The following EWSR1 variants were observed in gnomAD, a reference collection of about 807,000 sequenced individuals.
The protein encoded by EWSR1 is RNA-binding protein EWS.
EWSR1 carries 14 observed loss-of-function variants against 92.1 expected under a neutral mutation model. The observed-to-expected ratio is 0.15, with a 90% CI of 0.10 to 0.24. The LOEUF is 0.24. Among genes scored for constraint, EWSR1 ranks in the 10% least tolerant of loss-of-function variants. The pLI, the probability that EWSR1 is intolerant of heterozygous loss-of-function variation, is 1.00. For synonymous variants in EWSR1, 303 were observed against 292.9 expected, an observed-to-expected ratio of 1.03 and a Z score of -0.35; for missense variants, 637 against 870.9, an observed-to-expected ratio of 0.73 and a Z score of 3.38.
intron 8 of EWSR1, chr22:29,290,389 C>A: frequency 1.9e-6 from 3 of 1,591,622 alleles, no homozygotes; most frequent in Non-Finnish European, 2.6e-6. Context: ...TTTTAACATG[C>A]TTTGTCGCAT....
chr22:29,282,774 T>C (rs1361831306), intron 6 of EWSR1, among the ~76,000 whole-genome samples: 7 of 151,278 alleles, frequency 4.6e-5, no homozygotes, highest in African/African-American at 7.3e-5. Flanking sequence ...TTTTTTTTTT[T>C]TCCCCCGAGA....
intron 5 of EWSR1, among the ~76,000 whole-genome samples, 156 bp downstream of exon 5, chr22:29,278,372 C>T (rs2059283507): frequency 6.6e-6 from 1 of 152,244 alleles, no homozygotes; most frequent in Non-Finnish European, 1.5e-5. Flanking sequence ...CTAGAACATA[C>T]CACAGAAATA....
chr22:29,280,714 T>C (rs1365548486), intron 5 of EWSR1, among the ~76,000 whole-genome samples: 1 of 150,768 alleles, frequency 6.6e-6, no homozygotes, highest in Non-Finnish European at 1.5e-5. Context: ...GCTCTTGTTG[T>C]CCAGGCTAGA....
At chr22:29,271,277 A>T (rs1003139710) in intron 1 of EWSR1, among the ~76,000 whole-genome samples, 3 of 151,512 alleles carry the variant, frequency 2.0e-5, no homozygotes, top group Non-Finnish European at 2.9e-5. Context: ...AACTGCCTTT[A>T]AAAAAAAACT....
At chr22:29,280,408 C>T (rs1369957017) in intron 5 of EWSR1, among the ~76,000 whole-genome samples, 2 of 152,282 alleles carry the variant, frequency 1.3e-5, no homozygotes, top group African/African-American at 2.4e-5. Context: ...ATATTAATAG[C>T]TCTAACTCAG....
At chr22:29,269,142 C>T (rs1027790111) in intron 1 of EWSR1, 1 of 152,222 alleles carries the variant, frequency 6.6e-6, no homozygotes, top group Non-Finnish European at 1.5e-5. Context: ...TAAGGCCAGC[C>T]TGGGTCGAGA....
At position 29,299,327 on chromosome 22, in the gene EWSR1, C is replaced by A; in HGVS notation, c.1674C>A (p.Pro558=). 6.2e-7 allele frequency: 1 copy of A among 1,613,464 alleles called. No homozygotes were observed. The highest frequency in any genetic ancestry group is 1.1e-5 in the South Asian group (1 of 91,062). The change falls in exon 15 of 17, where the codon CCC becomes CCA. Residue 558 remains proline (P), a synonymous_variant. Coordinates refer to ENST00000397938, the MANE Select transcript of EWSR1 (RefSeq NM_005243.4). The part of the protein sequence containing the change: ...PEGFLPPPFP[P]PGGDRGRGGP... ...GCTTCCTCCCGCCACCCTTTCCGCC[C>A]CCGGGTAGGTGCAGGTTTCATGAGT...
At chr22:29,290,034 A>C (rs779313205) in intron 8 of EWSR1, 4 of 236,896 alleles carry the variant, frequency 1.7e-5, no homozygotes, top group Admixed American at 5.6e-5. Flanking sequence ...AGTATTTTTA[A>C]ATTGCAAATA....
At chr22:29,285,042 C>T (rs2059915050) in intron 6 of EWSR1, among the ~76,000 whole-genome samples, 1 of 150,964 alleles carries the variant, frequency 6.6e-6, no homozygotes, top group African/African-American at 2.5e-5. Flanking sequence ...TAGTCTCGAA[C>T]CCCTGACCTC....
chr22:29,299,887 GCACAGTAAGAGGACAGC>G, intron 16 of EWSR1, 36 bp downstream of exon 16: 2 of 1,532,086 alleles, frequency 1.3e-6, no homozygotes, highest in Non-Finnish European at 1.8e-6. Flanking sequence ...GGGCCGCCAG[GCACAGTAAGAGGACAGC>G]CCTTCCCAGC....
At chr22:29,281,844 C>T (rs545152891) in intron 5 of EWSR1, among the ~76,000 whole-genome samples, 1 of 152,290 alleles carries the variant, frequency 6.6e-6, no homozygotes, top group South Asian at 2.1e-4. Context: ...CTCGGCCTCC[C>T]AAAGTGCTGG....
At chr22:29,298,058 A>G (rs2061006170) in intron 13 of EWSR1, 109 bp downstream of exon 13, 3 of 1,212,580 alleles carry the variant, frequency 2.5e-6, no homozygotes, top group South Asian at 1.5e-5. Flanking sequence ...TGTAGAGTCA[A>G]TACTAGACTA....
At chr22:29,295,852 G>A (rs1057451366) in intron 11 of EWSR1, 7 of 251,158 alleles carry the variant, frequency 2.8e-5, no homozygotes, top group Admixed American at 5.2e-5. Flanking sequence ...TGTCCTTCAC[G>A]GTTTAAGGAT....
At chr22:29,280,674 GT>G (rs1005931943) in intron 5 of EWSR1, among the ~76,000 whole-genome samples, 512 of 134,944 alleles carry the variant, frequency 3.8e-3, no homozygotes, top group African/African-American at 7.7e-3. Context: ...GGTTTGGTTG[GT>G]TTTTTTTTTT....
intron 6 of EWSR1, among the ~76,000 whole-genome samples, chr22:29,286,308 C>T (rs952280431): frequency 1.3e-5 from 2 of 152,032 alleles, no homozygotes; most frequent in East Asian, 1.9e-4. Flanking sequence ...TGAGCCTCCG[C>T]TCCCAGCTGA....
chr22:29,296,316 A>G lies in EWSR1; in HGVS notation c.1242A>G (p.Thr414=). 6.2e-7 allele frequency: 1 copy of G among 1,614,226 alleles called. No individual in the cohort carries two copies. Among genetic ancestry groups the G allele is most frequent in the African/African-American group, 1.3e-5 (1 of 75,064 alleles). ...CAGGAAAGCCCAAAGGCGATGCCAC[A>G]GTGTCCTATGAAGACCCACCCACTG... The part of the protein sequence containing the change: ...KETGKPKGDA[T]VSYEDPPTAK... Residue 414 remains threonine (T), a synonymous_variant, in exon 12 of 17, where the codon ACA becomes ACG. Transcript: ENST00000397938.
intron 6 of EWSR1, among the ~76,000 whole-genome samples, chr22:29,282,887 C>T (rs1440653662): frequency 2.0e-5 from 3 of 151,852 alleles, no homozygotes; most frequent in Non-Finnish European, 2.9e-5. Flanking sequence ...CTCAACCTCC[C>T]GAGTAGCTGG....
intron 4 of EWSR1, chr22:29,277,406 A>G (rs1476562717): frequency 2.7e-5 from 6 of 222,556 alleles, no homozygotes; most frequent in African/African-American, 4.5e-5. Flanking sequence ...AAAAGGATAA[A>G]CTGTGTTAAG....
rs149288880 is a variant in EWSR1 at position 29,299,311 on chromosome 22, C to T, written c.1658C>T (p.Pro553Leu). The change falls in exon 15 of 17, where the codon CCG becomes CTG. Residue 553 changes from proline to leucine, a missense_variant. Around this residue, in one of 5 missense-constraint regions of EWSR1, gnomAD observed 363 missense variants for 447.8 expected, o/e 0.81. Transcript: ENST00000397938. The stretch of plus-strand genomic sequence containing the variant: ...GCCCCAAAGCCTGAAGGCTTCCTCC[C>T]GCCACCCTTTCCGCCCCCGGGTAGG... ...CKAPKPEGFL[P>L]PPFPPPGGDR... is the part of the protein sequence containing the mutation. The T allele has an allele frequency of 8.1e-6, 13 of 1,613,690 alleles. No homozygotes were observed. Among genetic ancestry groups the T allele is most frequent in the East Asian group, 4.5e-5 (2 of 44,884 alleles).
Sources: allele counts gnomAD v4.1 joint callset (sites outside exome capture counted in the v4.1 genomes callset), GRCh38; gene constraint gnomAD v4.1.1; regional missense constraint gnomAD v4.1.1; transcripts MANE v1.5; gene names NCBI Gene and HGNC (gene_info 2026-07-23, HGNC 2026-07-21).